Variants in DHX35 observed in about 807,000 individuals in gnomAD.
The protein encoded by DHX35 is probable ATP-dependent RNA helicase DHX35.
A neutral mutation model predicts 99.6 loss-of-function variants in DHX35; 84 were observed. That is an observed-to-expected ratio of 0.84 (90% CI 0.71 to 1.01). The LOEUF is 1.01. Among genes scored for constraint, DHX35 ranks in the 50% least tolerant of loss-of-function variants. The pLI is 0.00. For synonymous variants in DHX35, 331 were observed against 316.2 expected, an observed-to-expected ratio of 1.05 and a Z score of -0.50; for missense variants, 852 against 888.5, an observed-to-expected ratio of 0.96 and a Z score of 0.52.
chr20:38,971,215 G>A (rs1016056718), intron 2 of DHX35, among the ~76,000 whole-genome samples: 11 of 152,050 alleles, frequency 7.2e-5, no homozygotes, highest in Non-Finnish European at 8.8e-5. Context: ...TTAGCCGGGC[G>A]TGGTGGCACA....
At chr20:39,029,448 A>G (rs1459475414) in intron 19 of DHX35, 1 of 150,364 alleles carries the variant, frequency 6.7e-6, no homozygotes, top group Non-Finnish European at 1.5e-5. Context: ...CTAGTAGCCG[A>G]CTGTTGGAAC....
At chr20:38,988,034 G>A (rs1238092928) in intron 4 of DHX35, among the ~76,000 whole-genome samples, 1 of 152,114 alleles carries the variant, frequency 6.6e-6, no homozygotes, top group African/African-American at 2.4e-5. Context: ...TTTTCTTTTC[G>A]AGCGTGGAGA....
At chr20:38,994,384 A>G (rs1313707449) in intron 7 of DHX35, among the ~76,000 whole-genome samples, 1 of 151,532 alleles carries the variant, frequency 6.6e-6, no homozygotes, top group East Asian at 1.9e-4. Context: ...AACTGTTAAT[A>G]TCTTTTATCT....
chr20:38,980,691 T>G (rs950188300), intron 3 of DHX35, among the ~76,000 whole-genome samples: 3 of 152,144 alleles, frequency 2.0e-5, no homozygotes, highest in African/African-American at 4.8e-5. Context: ...ATAGAAAAAT[T>G]GCAAAAAACA....
chr20:39,023,402 C>G (rs1379678953), intron 16 of DHX35, among the ~76,000 whole-genome samples: 1 of 152,134 alleles, frequency 6.6e-6, no homozygotes, highest in African/African-American at 2.4e-5. Context: ...AGGGTCTCGC[C>G]CTGTTGCCTT....
chr20:38,967,942 C>T (rs1324044346), intron 1 of DHX35, among the ~76,000 whole-genome samples: 2 of 152,134 alleles, frequency 1.3e-5, no homozygotes, highest in Non-Finnish European at 2.9e-5. Flanking sequence ...CCCCACCCCC[C>T]ATTACAACAC....
chr20:38,977,520 C>T (rs1242827072), intron 3 of DHX35, among the ~76,000 whole-genome samples: 4 of 152,110 alleles, frequency 2.6e-5, no homozygotes, highest in Non-Finnish European at 4.4e-5. Flanking sequence ...CTGACCACCA[C>T]TACTATTATG....
intron 8 of DHX35, among the ~76,000 whole-genome samples, chr20:38,997,307 G>A (rs1311212492): frequency 6.6e-6 from 1 of 152,086 alleles, no homozygotes; most frequent in Non-Finnish European, 1.5e-5. Context: ...CGGACCTCAG[G>A]TGATCCTCCC....
At chr20:38,993,174 C>T (rs2145877500) in intron 7 of DHX35, among the ~76,000 whole-genome samples, 1 of 152,340 alleles carries the variant, frequency 6.6e-6, no homozygotes, top group Non-Finnish European at 1.5e-5. Flanking sequence ...GGTTCAAATT[C>T]TGGCTTTGCT....
intron 2 of DHX35, among the ~76,000 whole-genome samples, chr20:38,970,809 A>G (rs2085983783): frequency 6.6e-6 from 1 of 152,018 alleles, no homozygotes; most frequent in Non-Finnish European, 1.5e-5. Flanking sequence ...TTGTCTCCCA[A>G]CTGTACTTAC....
chr20:39,035,580 A>G (rs190014098), intron 21 of DHX35, among the ~76,000 whole-genome samples: 123 of 152,378 alleles, frequency 8.1e-4, no homozygotes, highest in South Asian at 1.7e-3. Context: ...CATATTAAAC[A>G]TGAATTTCTG....
intron 21 of DHX35, among the ~76,000 whole-genome samples, chr20:39,037,007 T>G (rs2145956138): frequency 6.6e-6 from 1 of 152,326 alleles, no homozygotes; most frequent in South Asian, 2.1e-4. Flanking sequence ...CTGGCACCTT[T>G]GGAGACTTTC....
intron 3 of DHX35, among the ~76,000 whole-genome samples, chr20:38,975,714 A>G (rs1198719969): frequency 2.6e-5 from 4 of 152,206 alleles, no homozygotes. Context: ...CTGTGTGGTT[A>G]TCTTGGGTTG....
At chr20:38,994,631 A>AAC (rs1568731897) in intron 7 of DHX35, among the ~76,000 whole-genome samples, 190 bp from the exon 8 acceptor site, 11 of 74,398 alleles carry the variant, frequency 1.5e-4, no homozygotes, top group Non-Finnish European at 2.3e-4. Context: ...TAGTGTAATG[A>AAC]CCCCCCCCCC....
intron 13 of DHX35, among the ~76,000 whole-genome samples, chr20:39,011,190 C>A (rs1024961759): frequency 2.0e-5 from 3 of 149,994 alleles, no homozygotes; most frequent in Admixed American, 6.6e-5. Context: ...TTCAAGAGTC[C>A]TTTGAATATT....
chr20:38,970,805 C>T (rs529993468), intron 2 of DHX35, among the ~76,000 whole-genome samples: 1 of 151,764 alleles, frequency 6.6e-6, no homozygotes, highest in South Asian at 2.1e-4. Flanking sequence ...TTCTTTGTCT[C>T]CCAACTGTAC....
At chr20:39,026,518 T>C (rs1009458903) in intron 18 of DHX35, among the ~76,000 whole-genome samples, 1 of 152,212 alleles carries the variant, frequency 6.6e-6, no homozygotes. Flanking sequence ...GTAGATACTT[T>C]AGTAATCATA....
rs2086105300 is a variant in DHX35 at position 38,977,826 on chromosome 20, T to A, written c.267+5175T>A. The stretch of plus-strand genomic sequence containing the variant: ...TGATCTTGGTGTTGGTGGTATTGAG[T>A]CTTTTCCATTCTGATTTGACTTTTG... On this transcript the variant is annotated intron_variant, in intron 3 of 21. Coordinates refer to ENST00000252011, the MANE Select transcript of DHX35 (RefSeq NM_021931.4). The A allele has an allele frequency of 1.1e-5, 6 of 552,028 alleles. No homozygotes were observed. The Admixed American group carries it at 1.2e-4, about 11-fold the overall frequency. The allele number at this position is 552,028 out of a possible 1,614,324, so 34.2% of individuals were successfully genotyped here. A position where few individuals can be genotyped will look rare whatever the true frequency, so the allele number is the denominator to read the frequency against.
At chr20:38,971,902 A>G (rs2086002529) in intron 2 of DHX35, among the ~76,000 whole-genome samples, 1 of 151,226 alleles carries the variant, frequency 6.6e-6, no homozygotes, top group Non-Finnish European at 1.5e-5. Flanking sequence ...ATTTTTGGCT[A>G]TTATAAACAA....
Sources: allele counts gnomAD v4.1 joint callset (sites outside exome capture counted in the v4.1 genomes callset), GRCh38; gene constraint gnomAD v4.1.1; transcripts MANE v1.5; gene names NCBI Gene and HGNC (gene_info 2026-07-23, HGNC 2026-07-21).